The following TMEM40 variants were observed in gnomAD, a reference collection of about 807,000 sequenced individuals.
The protein encoded by TMEM40 is transmembrane protein 40.
A neutral mutation model predicts 40.8 loss-of-function variants in TMEM40; 34 were observed. The ratio of observed to expected loss-of-function variants is 0.83; its 90% CI spans 0.63 to 1.11. The LOEUF is 1.11. Among genes scored for constraint, TMEM40 ranks in the 50% least tolerant of loss-of-function variants. TMEM40 has a pLI of 0.00. For synonymous variants in TMEM40, 106 were observed against 107.0 expected, an observed-to-expected ratio of 0.99 and a Z score of 0.06; for missense variants, 296 against 280.2, an observed-to-expected ratio of 1.06 and a Z score of -0.40.
chr3:12,736,607 A>G lies in TMEM40; in HGVS notation c.590T>C (p.Leu197Pro). The G allele has an allele frequency of 6.4e-7, 1 of 1,565,038 alleles. No homozygotes were observed. Among genetic ancestry groups the G allele is most frequent in the Non-Finnish European group, 8.7e-7 (1 of 1,154,620 alleles). The change falls in exon 10 of 12, where the codon CTG becomes CCG. Residue 197 changes from leucine (L) to proline (P), a missense_variant. Coordinates refer to ENST00000314124, the MANE Select transcript of TMEM40 (RefSeq NM_018306.4). ...LGVGLLTFAS[L>P]ETVGIYFGLV... ...TCCGAAGTAGATGCCAACGGTTTCC[A>G]GGGAGGCGAAGGTGAGCAGGCCGAC...
At chr3:12,736,508 A>G in intron 10 of TMEM40, 70 bp downstream of exon 10, 1 of 1,513,544 alleles carries the variant, frequency 6.6e-7, no homozygotes, top group Non-Finnish European at 9.0e-7. Context: ...AATGAGTATG[A>G]AAATGAATAT....
chr3:12,734,001 C>G lies in TMEM40; in HGVS notation c.*773G>C, dbSNP rs1484542768. 6.6e-6 allele frequency: 1 copy of G among 151,440 alleles called. No individual in the cohort carries two copies. Among genetic ancestry groups the G allele is most frequent in the African/African-American group, 2.4e-5 (1 of 41,126 alleles). The allele number at this position is 151,440 out of a possible 1,614,324, so 9.4% of individuals were successfully genotyped here. On this transcript the variant is annotated 3_prime_UTR_variant, in exon 12 of 12. Transcript: ENST00000314124. ...CTCACTGCAGCCCTGAACTCCTGGGCTCAAGCAGTCCTCCTGCCTCAGCCT... is the reference window on the plus strand; with the variant it reads ...CTCACTGCAGCCCTGAACTCCTGGGGTCAAGCAGTCCTCCTGCCTCAGCCT...
chr3:12,738,319 T>C (rs2061353547), intron 6 of TMEM40, 151 bp from the exon 7 acceptor site: 2 of 1,021,030 alleles, frequency 2.0e-6, no homozygotes, highest in South Asian at 2.8e-5. Flanking sequence ...TGATGGCTGG[T>C]TGGTTGTAAT....
intron 2 of TMEM40, 67 bp downstream of exon 2, chr3:12,749,693 T>C: frequency 6.9e-7 from 1 of 1,443,130 alleles, no homozygotes; most frequent in South Asian, 1.2e-5. Context: ...TCTTCTTCTG[T>C]CCCTTCTACT....
upstream of TMEM40, among the ~76,000 whole-genome samples, chr3:12,762,055 T>C (rs926748518): frequency 2.6e-5 from 4 of 152,112 alleles, no homozygotes; most frequent in Non-Finnish European, 5.9e-5. Flanking sequence ...AACCTTGAAA[T>C]GGGCTCGAGT....
At position 12,749,748 on chromosome 3, in the gene TMEM40, A is replaced by G. The variant is rs777360029; in HGVS notation, c.73+12T>C. On this transcript the variant is annotated intron_variant, in intron 2 of 11. Coordinates refer to ENST00000314124, the MANE Select transcript of TMEM40 (RefSeq NM_018306.4). Reference sequence around the variant, plus strand: ...GTGGTTTTGCCCAGAGGGTCAGAGAAGGCAAACGTACAGTCTACATCTTCT... The same window carrying G: ...GTGGTTTTGCCCAGAGGGTCAGAGAGGGCAAACGTACAGTCTACATCTTCT... 1.4e-5 allele frequency: 23 copies of G among 1,611,964 alleles called. No homozygotes were observed. Among genetic ancestry groups the G allele is most frequent in the Non-Finnish European group, 1.8e-5 (21 of 1,179,518 alleles).
intron 10 of TMEM40, 57 bp from the exon 11 acceptor site, chr3:12,735,674 G>C (rs2061332324): frequency 6.8e-7 from 1 of 1,463,662 alleles, no homozygotes; most frequent in South Asian, 1.2e-5. Flanking sequence ...AGGGACACCA[G>C]GCCACCACTG....
At chr3:12,768,261 A>G (rs747032977) in intron 1 of TMEM40, among the ~76,000 whole-genome samples, 56 of 152,240 alleles carry the variant, frequency 3.7e-4, no homozygotes, top group Non-Finnish European at 5.0e-4. Context: ...GGTGAGTGTT[A>G]CAACTACATA....
Position 12,737,732 on chromosome 3 carries a change from T to G in TMEM40, c.447A>C (p.Leu149Phe). The stretch of plus-strand genomic sequence containing the variant: ...CATCTTTCTTTATATTCAGTCTTCT[T>G]AACTGAGAGGCCTCCACTTCTCCTT... ...PASGEVEASQ[L>F]RRLNIKKDDE... is the part of the protein sequence containing the mutation. The change falls in exon 8 of 12, where the codon TTA (leucine) becomes TTC (phenylalanine). Residue 149 changes from leucine to phenylalanine, a missense_variant. By Grantham distance (22) the Leu-to-Phe change is conservative (BLOSUM62 0). Transcript: ENST00000314124. 1 of 1,614,084 alleles carries G rather than the reference T, an allele frequency of 6.2e-7. No homozygotes were observed. The highest frequency in any genetic ancestry group is 1.1e-5 in the South Asian group (1 of 91,078).
chr3:12,748,298 C>T (rs1041146461), intron 3 of TMEM40, among the ~76,000 whole-genome samples: 15 of 152,320 alleles, frequency 9.8e-5, no homozygotes, highest in African/African-American at 3.6e-4. Context: ...CTGTAACACA[C>T]GCTTTGACTA....
chr3:12,749,610 G>T, intron 2 of TMEM40, 150 bp downstream of exon 2: 1 of 654,684 alleles, frequency 1.5e-6, no homozygotes, highest in Non-Finnish European at 2.7e-6. Context: ...ATGTGTGTGT[G>T]CATGTGTGTA....
chr3:12,734,411 T>A lies in TMEM40; in HGVS notation c.*363A>T, dbSNP rs529252664. The A allele has an allele frequency of 2.6e-5, 6 of 234,718 alleles. No homozygotes were observed. In the East Asian group the frequency reaches 5.1e-4, roughly 20 times the overall value. 14.5% of individuals were successfully genotyped at this position (234,718 alleles called of 1,614,324 possible). A position where few individuals can be genotyped will look rare whatever the true frequency, so the allele number is the denominator to read the frequency against. Reference sequence around the variant, plus strand: ...AGAGCGCATGCAGATAGCCTGGGATTTGAGAAAAACCATGAACCCAGACAG... The same window carrying A: ...AGAGCGCATGCAGATAGCCTGGGATATGAGAAAAACCATGAACCCAGACAG... On this transcript the variant is annotated 3_prime_UTR_variant, in exon 12 of 12. Coordinates refer to ENST00000314124, the MANE Select transcript of TMEM40 (RefSeq NM_018306.4).
chr3:12,750,292 G>A (rs1444036961), intron 1 of TMEM40, among the ~76,000 whole-genome samples: 1 of 152,016 alleles, frequency 6.6e-6, no homozygotes, highest in East Asian at 1.9e-4. Flanking sequence ...ATTTTGACAG[G>A]AATGCAGATT....
intron 3 of TMEM40, among the ~76,000 whole-genome samples, chr3:12,744,616 C>A (rs2061412617): frequency 1.3e-5 from 2 of 152,164 alleles, no homozygotes; most frequent in Admixed American, 1.3e-4. Flanking sequence ...GGTTCTCCAC[C>A]CTGCAAGGGT....
chr3:12,753,495 G>C (rs370143677), intron 1 of TMEM40, among the ~76,000 whole-genome samples: 1 of 151,772 alleles, frequency 6.6e-6, no homozygotes, highest in Non-Finnish European at 1.5e-5. Context: ...AAGTGCTGAC[G>C]TTACAGGCAT....
chr3:12,748,948 C>T (rs1053360002), intron 2 of TMEM40, among the ~76,000 whole-genome samples, 156 bp from the exon 3 acceptor site: 3 of 152,114 alleles, frequency 2.0e-5, no homozygotes, highest in African/African-American at 7.2e-5. Context: ...TGCAGGAGAC[C>T]AAGGCTCTCA....
intron 5 of TMEM40, 136 bp from the exon 6 acceptor site, chr3:12,738,724 T>C: frequency 2.3e-6 from 2 of 887,462 alleles, no homozygotes; most frequent in South Asian, 1.5e-5. Context: ...TGGAGCCGGC[T>C]GGAGGGTTCC....
intron 4 of TMEM40, 92 bp downstream of exon 4, chr3:12,743,808 C>G (rs1420142572): frequency 8.0e-7 from 1 of 1,244,188 alleles, no homozygotes; most frequent in Non-Finnish European, 1.1e-6. Context: ...CTGCCATAAA[C>G]AATGCTGTGA....
Position 12,737,751 on chromosome 3 carries a change from T to G in TMEM40, c.428A>C (p.Glu143Ala), listed in dbSNP as rs199973876. ...RRRGSDPASG[E>A]VEASQLRRLN... ...TCTTCTTAACTGAGAGGCCTCCACT[T>G]CTCCTTAAGAACAAGAGAGAGATGA... is the stretch of plus-strand genomic sequence containing the variant. Residue 143 changes from glutamate to alanine, a missense_variant, in exon 8 of 12, where the codon GAA becomes GCA. Coordinates refer to ENST00000314124, the MANE Select transcript of TMEM40 (RefSeq NM_018306.4). 1 of 1,613,800 alleles carries G rather than the reference T, an allele frequency of 6.2e-7. No individual in the cohort carries two copies. The highest frequency in any genetic ancestry group is 1.3e-5 in the African/African-American group (1 of 75,012).
Sources: allele counts gnomAD v4.1 joint callset (sites outside exome capture counted in the v4.1 genomes callset), GRCh38; gene constraint gnomAD v4.1.1; transcripts MANE v1.5; gene names NCBI Gene and HGNC (gene_info 2026-07-23, HGNC 2026-07-21).